Variants in CCDC102B observed in about 807,000 individuals in gnomAD.
CCDC102B encodes coiled-coil domain containing 102B, also known as coiled-coil domain-containing protein 102B.
Under a neutral mutation model 57.4 loss-of-function variants are expected in CCDC102B, and 75 were observed. The observed-to-expected ratio is 1.31, with a 90% CI of 1.08 to 1.58. CCDC102B has a LOEUF of 1.58. Ranked by LOEUF, CCDC102B falls within the 40% of genes most tolerant of loss-of-function variation. CCDC102B has a pLI of 0.00. For synonymous variants in CCDC102B, 206 were observed against 201.9 expected, an observed-to-expected ratio of 1.02 and a Z score of -0.17; for missense variants, 636 against 582.6, an observed-to-expected ratio of 1.09 and a Z score of -0.94.
At chr18:68,847,742 T>C (rs977327919) in intron 4 of CCDC102B, among the ~76,000 whole-genome samples, 3 of 151,786 alleles carry the variant, frequency 2.0e-5, no homozygotes, top group African/African-American at 7.2e-5. Context: ...AAAATGCTGA[T>C]AGGGTTTCAG....
intron 2 of CCDC102B, among the ~76,000 whole-genome samples, chr18:68,740,611 G>C (rs1182743570): frequency 6.6e-6 from 1 of 152,142 alleles, no homozygotes; most frequent in Non-Finnish European, 1.5e-5. Flanking sequence ...CCAGTGCAGT[G>C]GTGAGGAGGT....
At chr18:68,891,724 C>T (rs1040560403) in intron 5 of CCDC102B, among the ~76,000 whole-genome samples, 3 of 152,190 alleles carry the variant, frequency 2.0e-5, no homozygotes, top group Non-Finnish European at 4.4e-5. Flanking sequence ...TTCCTCTGTG[C>T]TCACTTGGAG....
At chr18:68,758,928 G>T (rs1388171205) in intron 2 of CCDC102B, among the ~76,000 whole-genome samples, 1 of 140,908 alleles carries the variant, frequency 7.1e-6, no homozygotes. Flanking sequence ...TATAAAGAGA[G>T]AAAAAAACCT....
rs139506770 is a variant in CCDC102B at position 69,029,129 on chromosome 18, A to G, written c.1434+18025A>G. Among the ~76,000 whole-genome samples, 942 of 152,280 alleles carry G rather than the reference A, an allele frequency of 6.2e-3. 12 individuals carry two copies. Among genetic ancestry groups the G allele is most frequent in the African/African-American group, 0.022 (900 of 41,562 alleles). ...TGGAGAATGAAACAAATATGTTGTA[A>G]AGAAAGAGTAATTGCCCTGTTCAAC... On this transcript the variant is annotated intron_variant, in intron 7 of 7. Coordinates refer to ENST00000360242, the MANE Select transcript of CCDC102B (RefSeq NM_024781.3).
In CCDC102B at chr18:69,022,800, T is replaced by C. The variant is rs191603459; in HGVS notation, c.1434+11696T>C. Among the ~76,000 whole-genome samples, 84 of 152,242 alleles carry C rather than the reference T, an allele frequency of 5.5e-4. 1 individual carries two copies. The highest frequency in any genetic ancestry group is 1.9e-3 in the African/African-American group (81 of 41,550). On this transcript the variant is annotated intron_variant, in intron 7 of 7. Transcript: ENST00000360242. ...TCCTTTGTTTTGTGTGTATGTATTT[T>C]AATTTATGTTTACCCTGTGGCTGGC...
chr18:68,890,780 T>G (rs1437037530), intron 5 of CCDC102B, among the ~76,000 whole-genome samples: 1 of 152,190 alleles, frequency 6.6e-6, no homozygotes, highest in African/African-American at 2.4e-5. Flanking sequence ...CTATTGGTAG[T>G]TTTTTATCTT....
chr18:68,855,283 C>T (rs1244878946), intron 4 of CCDC102B, among the ~76,000 whole-genome samples: 2 of 151,948 alleles, frequency 1.3e-5, no homozygotes, highest in Non-Finnish European at 2.9e-5. Context: ...TTTGACTCTT[C>T]CTAAGATAGG....
At chr18:69,036,961 G>C (rs1447846000) in intron 7 of CCDC102B, among the ~76,000 whole-genome samples, 1 of 151,730 alleles carries the variant, frequency 6.6e-6, no homozygotes, top group Non-Finnish European at 1.5e-5. Context: ...ACAGTGCACT[G>C]CATATCAATG....
At chr18:68,737,118 T>G (rs1229770888) in intron 2 of CCDC102B, among the ~76,000 whole-genome samples, 1 of 151,968 alleles carries the variant, frequency 6.6e-6, no homozygotes, top group Admixed American at 6.6e-5. Flanking sequence ...AAGTGGTTCC[T>G]GTTTGTCTGA....
chr18:68,723,986 T>C (rs1270692464), intron 2 of CCDC102B, among the ~76,000 whole-genome samples: 1 of 152,230 alleles, frequency 6.6e-6, no homozygotes, highest in Admixed American at 6.5e-5. Flanking sequence ...CATCCAGGCA[T>C]TTCCATATAT....
downstream of CCDC102B, chr18:69,055,256 G>T: frequency 1.4e-6 from 1 of 696,612 alleles, no homozygotes; most frequent in Non-Finnish European, 1.8e-6. Context: ...CCCAAACATG[G>T]GGGATTGTAT....
intron 7 of CCDC102B, among the ~76,000 whole-genome samples, chr18:69,021,600 T>C (rs1355830057): frequency 6.6e-6 from 1 of 152,248 alleles, no homozygotes; most frequent in African/African-American, 2.4e-5. Flanking sequence ...CAGTTGAATG[T>C]AACAAATGTC....
intron 3 of CCDC102B, among the ~76,000 whole-genome samples, chr18:68,843,766 A>C (rs2037738309): frequency 6.6e-6 from 1 of 152,010 alleles, no homozygotes; most frequent in Admixed American, 6.6e-5. Flanking sequence ...TTGTAGCTCA[A>C]ATACTCTGAC....
intron 1 of CCDC102B, among the ~76,000 whole-genome samples, chr18:68,799,124 G>A (rs1255827440): frequency 6.6e-6 from 1 of 151,892 alleles, no homozygotes; most frequent in Non-Finnish European, 1.5e-5. Context: ...TCTCTTGTTA[G>A]TAAAATATGT....
intron 1 of CCDC102B, among the ~76,000 whole-genome samples, chr18:68,817,009 T>C (rs1168745313): frequency 6.6e-6 from 1 of 152,210 alleles, no homozygotes; most frequent in Non-Finnish European, 1.5e-5. Context: ...AAACAGTGAG[T>C]TGTGTTCAAG....
intron 7 of CCDC102B, among the ~76,000 whole-genome samples, chr18:69,040,687 A>T (rs2052413637): frequency 6.6e-6 from 1 of 152,004 alleles, no homozygotes; most frequent in Non-Finnish European, 1.5e-5. Flanking sequence ...CAGGGTTTAA[A>T]ATATGTCAAC....
At chr18:68,715,240 C>T in exon 1 of CCDC102B, 2 of 1,344,764 alleles carry the variant, frequency 1.5e-6, no homozygotes, top group Non-Finnish European at 1.9e-6. Context: ...CTCTCGGTGC[C>T]CCCCTCCACG....
chr18:68,728,384 GA>G (rs2032697863), intron 2 of CCDC102B, among the ~76,000 whole-genome samples: 1 of 152,116 alleles, frequency 6.6e-6, no homozygotes, highest in African/African-American at 2.4e-5. Context: ...TTTGCATTTC[GA>G]TATCTGAATT....
chr18:68,953,920 A>T (rs1401133408), intron 6 of CCDC102B, among the ~76,000 whole-genome samples: 2 of 152,034 alleles, frequency 1.3e-5, no homozygotes, highest in African/African-American at 2.4e-5. Context: ...ACATTACATT[A>T]AAAAAACAGG....
Sources: gnomAD v4.1 joint callset for allele counts (sites outside exome capture counted in the v4.1 genomes callset) on GRCh38, gnomAD v4.1.1 for gene constraint, MANE v1.5 for transcripts, NCBI Gene and HGNC (gene_info 2026-07-23, HGNC 2026-07-21) for gene names.